AKAP7: variants seen among roughly 807,000 people sequenced by gnomAD.
AKAP7 encodes the protein A-kinase anchoring protein 7, also known as A kinase (PRKA) anchor protein 7.
AKAP7 carries 39 observed loss-of-function variants against 39.5 expected under a neutral mutation model. The observed-to-expected ratio is 0.99, with a 90% CI of 0.76 to 1.29. AKAP7 has a LOEUF of 1.29. Among genes scored for constraint, AKAP7 ranks in the 50% most tolerant of loss-of-function variants. The probability of loss-of-function intolerance (pLI) is 0.00; values close to 1 mark genes in which losing one functional copy is unlikely to be tolerated. For missense variants in AKAP7, 414 were observed against 407.7 expected (o/e 1.02, Z -0.13); for synonymous variants, 140 against 139.1 (o/e 1.01, Z -0.05).
chr6:131,272,729 C>A (rs548089648), intron 7 of AKAP7, among the ~76,000 whole-genome samples: 3 of 152,110 alleles, frequency 2.0e-5, no homozygotes, highest in Non-Finnish European at 2.9e-5. Flanking sequence ...TGGATGAGTT[C>A]AGTATTTTTA....
chr6:131,248,140 A>G (rs1042212433), intron 7 of AKAP7, among the ~76,000 whole-genome samples: 3 of 152,162 alleles, frequency 2.0e-5, no homozygotes, highest in Non-Finnish European at 4.4e-5. Context: ...CAAGATTACT[A>G]CCTGGTGCTA....
At chr6:131,128,642 G>A in the AKAP7 span, among the ~76,000 whole-genome samples, 1 of 152,122 alleles carries the variant, frequency 6.6e-6, no homozygotes, top group East Asian at 1.9e-4. Context: ...GGCTAACATG[G>A]CGAAACCCCA....
intron 7 of AKAP7, among the ~76,000 whole-genome samples, chr6:131,276,869 T>C (rs1814787836): frequency 6.6e-6 from 1 of 152,140 alleles, no homozygotes; most frequent in African/African-American, 2.4e-5. Flanking sequence ...GCAGGGTGTG[T>C]GATGGTTTCT....
intron 7 of AKAP7, among the ~76,000 whole-genome samples, chr6:131,250,992 T>A (rs150048372): frequency 7.9e-4 from 120 of 152,354 alleles, no homozygotes; most frequent in Non-Finnish European, 9.0e-4. Flanking sequence ...TATCTGAAAC[T>A]GGCATATTTT....
intron 3 of AKAP7, chr6:131,164,385 C>G (rs1043866598): frequency 2.2e-6 from 1 of 455,406 alleles, no homozygotes; most frequent in South Asian, 1.6e-5. Flanking sequence ...CATCATTCCT[C>G]TCCCTGTTTC....
chr6:131,182,682 A>C lies in AKAP7; in HGVS notation c.589+13409A>C, dbSNP rs1471197067. 2.6e-5 allele frequency among the ~76,000 whole-genome samples: 4 copies of C among 152,200 alleles called. No individual in the cohort carries two copies. The South Asian group carries it at 8.3e-4, about 31-fold the overall frequency. On this transcript the variant is annotated intron_variant, in intron 5 of 7. Transcript: ENST00000431975. ...TAACCAGAAGTGGAATTGCTAAATC[A>C]TATGGTAGTTTAATTTTTAATTTTT...
At chr6:131,184,567 G>T in intron 5 of AKAP7, 1 of 726,364 alleles carries the variant, frequency 1.4e-6, no homozygotes, top group South Asian at 1.5e-5. Flanking sequence ...CATCATCATG[G>T]GGGTGAAATG....
At chr6:131,247,733 ATCC>A (rs1490022739) in intron 7 of AKAP7, among the ~76,000 whole-genome samples, 186 of 152,106 alleles carry the variant, frequency 1.2e-3, no homozygotes, top group African/African-American at 4.0e-3. Flanking sequence ...GGCTCAAGCA[ATCC>A]TCCTGCTTCA....
chr6:131,151,403 T>C (rs1235136444), intron 2 of AKAP7, among the ~76,000 whole-genome samples: 1 of 148,700 alleles, frequency 6.7e-6, no homozygotes, highest in Non-Finnish European at 1.5e-5. Context: ...TTTAAGAAAA[T>C]TTTAGTAATT....
At chr6:131,187,526 G>A (rs182641440) in intron 5 of AKAP7, among the ~76,000 whole-genome samples, 1 of 152,124 alleles carries the variant, frequency 6.6e-6, no homozygotes, top group South Asian at 2.1e-4. Flanking sequence ...AAGTAGAAAT[G>A]ATCATTTTAT....
chr6:131,196,267 CTTTT>C (rs199967369), intron 5 of AKAP7, among the ~76,000 whole-genome samples: 1 of 133,940 alleles, frequency 7.5e-6, no homozygotes, highest in Middle Eastern at 3.5e-3. Flanking sequence ...ATGTCAGTTG[CTTTT>C]TTTTTTTTTT....
intron 6 of AKAP7, among the ~76,000 whole-genome samples, chr6:131,211,738 A>T (rs1046491499): frequency 7.1e-6 from 1 of 141,194 alleles, no homozygotes; most frequent in Non-Finnish European, 1.5e-5. Context: ...ACGCCACTGC[A>T]CTCCAGCCTG....
chr6:131,224,711 A>G (rs966721949), intron 7 of AKAP7, among the ~76,000 whole-genome samples: 5 of 131,754 alleles, frequency 3.8e-5, no homozygotes, highest in Admixed American at 2.9e-4. Flanking sequence ...CTACGTTTGT[A>G]AAGTTTCCAG....
intron 6 of AKAP7, among the ~76,000 whole-genome samples, chr6:131,219,162 C>T (rs377760962): frequency 2.1e-4 from 32 of 151,628 alleles, no homozygotes; most frequent in East Asian, 1.2e-3. Context: ...TGGTAACACG[C>T]GCCTGTAGTC....
At chr6:131,201,810 T>A (rs1807594509) in intron 6 of AKAP7, among the ~76,000 whole-genome samples, 1 of 152,192 alleles carries the variant, frequency 6.6e-6, no homozygotes, top group Non-Finnish European at 1.5e-5. Context: ...TTTCTACATA[T>A]GGCTAGCCAG....
At chr6:131,161,872 G>A (rs1803000022) in intron 3 of AKAP7, among the ~76,000 whole-genome samples, 1 of 152,074 alleles carries the variant, frequency 6.6e-6, no homozygotes, top group Non-Finnish European at 1.5e-5. Context: ...CCAGACAGAA[G>A]CCAGGTCCTA....
At chr6:131,178,174 C>T (rs1301550595) in intron 5 of AKAP7, among the ~76,000 whole-genome samples, 2 of 152,216 alleles carry the variant, frequency 1.3e-5, no homozygotes, top group Non-Finnish European at 1.5e-5. Flanking sequence ...ACAATCTGTC[C>T]AGCCATCCTG....
At chr6:131,206,191 A>G (rs752652760) in intron 6 of AKAP7, among the ~76,000 whole-genome samples, 12 of 152,220 alleles carry the variant, frequency 7.9e-5, no homozygotes, top group South Asian at 2.1e-4. Flanking sequence ...GTTGTTTTTA[A>G]TCACAAATTA....
At chr6:131,179,818 G>A (rs1303730142) in intron 5 of AKAP7, among the ~76,000 whole-genome samples, 2 of 151,976 alleles carry the variant, frequency 1.3e-5, no homozygotes, top group East Asian at 1.9e-4. Flanking sequence ...GCAGCGAGCT[G>A]TGAATATGCC....
Sources: gnomAD v4.1 joint callset for allele counts (sites outside exome capture counted in the v4.1 genomes callset) on GRCh38, gnomAD v4.1.1 for gene constraint, MANE v1.5 for transcripts, NCBI Gene and HGNC (gene_info 2026-07-23, HGNC 2026-07-21) for gene names.